The following SEMA3A variants were observed in gnomAD, a reference collection of about 807,000 sequenced individuals.
The protein encoded by SEMA3A is semaphorin-3A.
Under a neutral mutation model 97.9 loss-of-function variants are expected in SEMA3A, and 29 were observed. That is an observed-to-expected ratio of 0.30 (90% CI 0.22 to 0.40). The LOEUF (loss-of-function observed/expected upper bound fraction) is 0.40. Among genes scored for constraint, SEMA3A ranks in the 10% least tolerant of loss-of-function variants. The pLI is 1.00. For synonymous variants in SEMA3A, 321 were observed against 323.7 expected, an observed-to-expected ratio of 0.99 and a Z score of 0.09; for missense variants, 763 against 951.3, an observed-to-expected ratio of 0.80 and a Z score of 2.60.
chr7:84,123,729 A>T (rs913447962), intron 3 of SEMA3A, among the ~76,000 whole-genome samples: 8 of 146,436 alleles, frequency 5.5e-5, no homozygotes, highest in African/African-American at 2.0e-4. Context: ...GATAAAATAT[A>T]TATATTTAAA....
In SEMA3A at chr7:84,066,132, A is replaced by G. The variant is rs1305359168; in HGVS notation, c.454-5574T>C. On this transcript the variant is annotated intron_variant, in intron 4 of 16. Transcript: ENST00000265362. ...TGGTTTAATATACGCGAATCAATAA[A>G]TGTAATCCAGCATATAAACAGAGCC... 2.6e-5 allele frequency among the ~76,000 whole-genome samples: 4 copies of G among 151,804 alleles called. No homozygotes were observed. In the East Asian group the frequency reaches 5.8e-4, roughly 22 times the overall value.
At chr7:84,082,261 G>A (rs1328235164) in intron 4 of SEMA3A, among the ~76,000 whole-genome samples, 1 of 152,106 alleles carries the variant, frequency 6.6e-6, no homozygotes, top group Non-Finnish European at 1.5e-5. Flanking sequence ...TATTACATGT[G>A]TTTCATTCAT....
At position 84,390,872 on chromosome 7, in the gene SEMA3A, G is replaced by A. The variant is rs148286128; in HGVS notation, c.-245-18972C>T. On this transcript the variant is annotated intron_variant, in intron 1 of 3. Transcript: ENST00000424555. Reference sequence around the variant, plus strand: ...GTTAAAAATCAGAATGGTGGCCTGTGTTTGGTTACTTTTTGAGGCTTTCAG... The same window carrying A: ...GTTAAAAATCAGAATGGTGGCCTGTATTTGGTTACTTTTTGAGGCTTTCAG... 8.5e-4 allele frequency among the ~76,000 whole-genome samples: 130 copies of A among 152,258 alleles called. 2 individuals carry two copies. The East Asian group carries it at 0.024, about 28-fold the overall frequency.
intron 12 of SEMA3A, among the ~76,000 whole-genome samples, chr7:83,995,045 A>G (rs1790151871): frequency 6.6e-6 from 1 of 152,102 alleles, no homozygotes; most frequent in African/African-American, 2.4e-5. Flanking sequence ...CCCGTCGGAA[A>G]AGTGCAGTAT....
intron 6 of SEMA3A, among the ~76,000 whole-genome samples, chr7:84,020,729 T>C (rs1243823472): frequency 6.6e-6 from 1 of 152,196 alleles, no homozygotes; most frequent in African/African-American, 2.4e-5. Context: ...AGTATTTATA[T>C]GGTTTTCATT....
intron 1 of SEMA3A, among the ~76,000 whole-genome samples, chr7:84,425,834 T>A (rs1289066120): frequency 7.8e-6 from 1 of 128,112 alleles, no homozygotes. Context: ...CATATATATA[T>A]AATATATAAT....
At chr7:84,144,353 A>T (rs925981485) in intron 1 of SEMA3A, among the ~76,000 whole-genome samples, 6 of 152,070 alleles carry the variant, frequency 3.9e-5, no homozygotes, top group African/African-American at 1.4e-4. Context: ...GAGTTGGCAC[A>T]AGAAATAGAG....
chr7:84,439,183 T>A (rs1805209822), intron 1 of SEMA3A, among the ~76,000 whole-genome samples: 1 of 151,998 alleles, frequency 6.6e-6, no homozygotes, highest in South Asian at 2.1e-4. Context: ...GACTGGCAAA[T>A]GGCTTTTCTT....
intron 3 of SEMA3A, among the ~76,000 whole-genome samples, chr7:84,208,855 T>C (rs1358233054): frequency 6.6e-6 from 1 of 152,192 alleles, no homozygotes; most frequent in African/African-American, 2.4e-5. Context: ...ACAGGTTTCT[T>C]ATTACTGCAT....
rs571344270 is a variant in SEMA3A at position 84,431,757 on chromosome 7, A to G, written c.-245-59857T>C. ...GTGAGTTGTGAGATTCAATTAATTT[A>G]ACAAGCATATATCAACATTTACATT... On this transcript the variant is annotated intron_variant, in intron 1 of 3. Coordinates refer to the SEMA3A transcript ENST00000424555. Among the ~76,000 whole-genome samples the G allele has an allele frequency of 2.6e-5, 4 of 152,174 alleles. No individual in the cohort carries two copies. In the East Asian group the frequency reaches 7.7e-4, roughly 29 times the overall value.
At chr7:84,476,610 T>C (rs1476540510) in intron 1 of SEMA3A, among the ~76,000 whole-genome samples, 3 of 152,202 alleles carry the variant, frequency 2.0e-5, no homozygotes, top group Non-Finnish European at 2.9e-5. Flanking sequence ...AAATACTGAA[T>C]GTATTGTGTT....
intron 4 of SEMA3A, among the ~76,000 whole-genome samples, chr7:84,064,065 G>A (rs1215796426): frequency 6.6e-6 from 1 of 152,190 alleles, no homozygotes; most frequent in Non-Finnish European, 1.5e-5. Context: ...ACTAACAGCT[G>A]ATCGCTCAGC....
At chr7:84,238,939 A>C (rs1159836414) in intron 3 of SEMA3A, among the ~76,000 whole-genome samples, 1 of 151,798 alleles carries the variant, frequency 6.6e-6, no homozygotes, top group East Asian at 1.9e-4. Flanking sequence ...CTGGTCTCCA[A>C]CTCCTGACCT....
At chr7:84,393,705 C>G (rs1459161061) in intron 1 of SEMA3A, among the ~76,000 whole-genome samples, 1 of 152,066 alleles carries the variant, frequency 6.6e-6, no homozygotes, top group African/African-American at 2.4e-5. Flanking sequence ...GTAATACATG[C>G]TATTTAGATA....
chr7:84,332,529 C>T (rs1801932116), intron 2 of SEMA3A, among the ~76,000 whole-genome samples: 1 of 152,140 alleles, frequency 6.6e-6, no homozygotes, highest in African/African-American at 2.4e-5. Flanking sequence ...TGAGAAAAGA[C>T]AATTTAAAAT....
At chr7:84,409,610 C>T (rs889291156) in intron 1 of SEMA3A, among the ~76,000 whole-genome samples, 14 of 151,990 alleles carry the variant, frequency 9.2e-5, no homozygotes, top group Non-Finnish European at 1.8e-4. Context: ...ACGTATTTAA[C>T]CATCCATAGA....
intron 1 of SEMA3A, among the ~76,000 whole-genome samples, chr7:84,379,750 G>A (rs1210531063): frequency 6.6e-6 from 1 of 151,986 alleles, no homozygotes; most frequent in Non-Finnish European, 1.5e-5. Flanking sequence ...AAATTAATAT[G>A]GTAAACCCAT....
intron 1 of SEMA3A, among the ~76,000 whole-genome samples, chr7:84,150,436 AGGGGTCCG>A (rs1796605160): frequency 6.6e-6 from 1 of 152,220 alleles, no homozygotes; most frequent in Non-Finnish European, 1.5e-5. Context: ...GGGAAGCGCA[AGGGGTCCG>A]GGAGTTCCCT....
intron 14 of SEMA3A, among the ~76,000 whole-genome samples, chr7:83,980,623 A>AAAAAT (rs1310318006): frequency 1.2e-3 from 88 of 71,736 alleles, no homozygotes; most frequent in African/African-American, 4.9e-3. Flanking sequence ...AAAAAAAAAA[A>AAAAAT]ATATATATAT....
Sources: gnomAD v4.1 joint callset for allele counts (sites outside exome capture counted in the v4.1 genomes callset) on GRCh38, gnomAD v4.1.1 for gene constraint, MANE v1.5 for transcripts, NCBI Gene and HGNC (gene_info 2026-07-23, HGNC 2026-07-21) for gene names.